Variants in HPS3 observed in about 807,000 individuals in gnomAD.
The protein encoded by HPS3 is HPS3 biogenesis of lysosomal organelles complex 2 subunit 1.
In HPS3, 79 loss-of-function variants were observed where a neutral mutation model predicts 110.9. That is an observed-to-expected ratio of 0.71 (90% CI 0.59 to 0.86). The LOEUF (loss-of-function observed/expected upper bound fraction) is 0.86. Ranked by LOEUF, HPS3 falls within the 40% of genes least tolerant of loss-of-function variation. HPS3 has a pLI of 0.00. For missense variants in HPS3, 1,197 were observed against 1,206.2 expected (o/e 0.99, Z 0.11); for synonymous variants, 428 against 451.0 (o/e 0.95, Z 0.65).
chr3:149,137,879 G>T (rs931294705), intron 1 of HPS3, among the ~76,000 whole-genome samples: 5 of 152,210 alleles, frequency 3.3e-5, no homozygotes, highest in African/African-American at 1.2e-4. Context: ...GTTAGTTATA[G>T]AGATGGATGG....
At position 149,140,185 on chromosome 3, in the gene HPS3, G is replaced by A. The variant is rs563502898; in HGVS notation, c.399G>A (p.Ser133=). The change falls in exon 2 of 17, where the codon TCG becomes TCA. Residue 133 remains serine, a synonymous_variant. Coordinates refer to ENST00000296051, the MANE Select transcript of HPS3 (RefSeq NM_032383.5). ...DQMYIIEMPL[S]EAPLCISCCP... is the part of the protein sequence containing the mutation. ...TGTACATTATTGAAATGCCGCTTTC[G>A]GAGGCCCCCTTGTGCATTTCCTGTT... 19 of 1,614,104 alleles carry A rather than the reference G, an allele frequency of 1.2e-5. No homozygotes were observed. The highest frequency in any genetic ancestry group is 8.0e-5 in the African/African-American group (6 of 75,026).
intron 1 of HPS3, among the ~76,000 whole-genome samples, chr3:149,138,459 A>T (rs1722253233): frequency 6.6e-6 from 1 of 152,248 alleles, no homozygotes; most frequent in Non-Finnish European, 1.5e-5. Flanking sequence ...AAGATTAAAA[A>T]TGTATATTTT....
chr3:149,141,531 GTTTTTTT>G, intron 4 of HPS3, 151 bp downstream of exon 4: 1 of 380,800 alleles, frequency 2.6e-6, no homozygotes, highest in Admixed American at 4.7e-5. Flanking sequence ...TTTTTTTTTT[GTTTTTTT>G]TTTTTTTTTT....
intron 5 of HPS3, among the ~76,000 whole-genome samples, chr3:149,149,868 T>C (rs912379176): frequency 1.3e-5 from 2 of 152,164 alleles, no homozygotes; most frequent in African/African-American, 4.8e-5. Context: ...AGGCATCTAT[T>C]GTGCACTTAC....
At chr3:149,135,958 T>G (rs1190821118) in intron 1 of HPS3, among the ~76,000 whole-genome samples, 1 of 152,152 alleles carries the variant, frequency 6.6e-6, no homozygotes, top group African/African-American at 2.4e-5. Context: ...GTGATTCAAT[T>G]TTGTCATAGG....
intron 16 of HPS3, 172 bp downstream of exon 16, chr3:149,168,155 A>G (rs1045083326): frequency 1.7e-6 from 1 of 603,104 alleles, no homozygotes; most frequent in Non-Finnish European, 3.0e-6. Context: ...TTTGATATTG[A>G]TTTATCTCCT....
Position 149,145,353 on chromosome 3 carries a change from G to A in HPS3, c.971-1G>A. ...TTTATTTCTTTCATTTTTGCATGCA[G>A]GTTCTCTTACATCTGATGGAAAAAA... On this transcript the variant is annotated splice_acceptor_variant, in intron 4 of 16. Transcript: ENST00000296051. LOFTEE classifies it high-confidence loss of function. 6.2e-7 allele frequency: 1 copy of A among 1,609,850 alleles called. No individual in the cohort carries two copies. Among genetic ancestry groups the A allele is most frequent in the Non-Finnish European group, 8.5e-7 (1 of 1,176,554 alleles).
intron 10 of HPS3, among the ~76,000 whole-genome samples, chr3:149,159,820 A>G (rs1456106132): frequency 6.6e-6 from 1 of 152,144 alleles, no homozygotes; most frequent in African/African-American, 2.4e-5. Context: ...ACATATTTTC[A>G]TTGCTTTTTC....
intron 16 of HPS3, chr3:149,168,415 AC>A: frequency 5.1e-6 from 1 of 197,562 alleles, no homozygotes; most frequent in South Asian, 8.9e-5. Flanking sequence ...TCTAAATTGT[AC>A]CGTATTTTAC....
intron 5 of HPS3, among the ~76,000 whole-genome samples, chr3:149,149,269 C>T (rs1188579791): frequency 6.6e-6 from 1 of 152,056 alleles, no homozygotes; most frequent in Non-Finnish European, 1.5e-5. Flanking sequence ...GGCCGAAACC[C>T]TGCCTTTTTA....
At position 149,162,725 on chromosome 3, in the gene HPS3, G is replaced by A. The variant is rs756393105; in HGVS notation, c.2328G>A (p.Gln776=). ...LCAKDEDTIP[Q]LLVDFWEAQL... ...CTAAGGATGAAGATACAATTCCTCA[G>A]CTCTTGGTAGACTTTTGGGAAGCTC... The change falls in exon 13 of 17, where the codon CAG becomes CAA. Residue 776 remains glutamine, a synonymous_variant. Transcript: ENST00000296051. 1 of 1,614,002 alleles carries A rather than the reference G, an allele frequency of 6.2e-7. No homozygotes were observed. The highest frequency in any genetic ancestry group is 1.1e-5 in the South Asian group (1 of 91,080).
intron 1 of HPS3, among the ~76,000 whole-genome samples, chr3:149,136,201 T>C (rs1482320198): frequency 3.1e-5 from 3 of 98,218 alleles, no homozygotes; most frequent in Admixed American, 2.8e-4. Context: ...AATATATGTA[T>C]ATACATATAT....
chr3:149,148,824 T>C (rs1329950579), intron 5 of HPS3, among the ~76,000 whole-genome samples: 1 of 152,190 alleles, frequency 6.6e-6, no homozygotes, highest in Non-Finnish European at 1.5e-5. Flanking sequence ...GCAGCATATC[T>C]TGGACATCTT....
In HPS3 at chr3:149,173,403, A is replaced by C. The variant is rs1239005693; in HGVS notation, c.*1181A>C. The C allele has an allele frequency of 4.6e-6, 1 of 215,292 alleles. No individual in the cohort carries two copies. Among genetic ancestry groups the C allele is most frequent in the African/African-American group, 2.3e-5 (1 of 43,228 alleles). The allele number at this position is 215,292 out of a possible 1,614,324, so 13.3% of individuals were successfully genotyped here. A position where few individuals can be genotyped will look rare whatever the true frequency, so the allele number is the denominator to read the frequency against. ...GTTCCTTTGAGGAGCACCCAGGAGA[A>C]TATCTGGTCATAGATCTTTTTTTAA... On this transcript the variant is annotated 3_prime_UTR_variant, in exon 17 of 17. Coordinates refer to ENST00000296051, the MANE Select transcript of HPS3 (RefSeq NM_032383.5).
chr3:149,151,986 T>A (rs2108150094), intron 6 of HPS3, among the ~76,000 whole-genome samples: 1 of 152,290 alleles, frequency 6.6e-6, no homozygotes, highest in East Asian at 1.9e-4. Context: ...CATATGATAG[T>A]GTTTTATGGC....
chr3:149,170,365 GA>G (rs1262699195), intron 16 of HPS3: 3 of 152,276 alleles, frequency 2.0e-5, no homozygotes, highest in Admixed American at 1.3e-4. Flanking sequence ...GCTTTGATAG[GA>G]AAACATCAAT....
chr3:149,157,499 A>T lies in HPS3; in HGVS notation c.1659A>T (p.Glu553Asp). 6.2e-7 allele frequency: 1 copy of T among 1,613,832 alleles called. No individual in the cohort carries two copies. The highest frequency in any genetic ancestry group is 8.5e-7 in the Non-Finnish European group (1 of 1,179,806). Residue 553 changes from glutamate (E) to aspartate (D), a missense_variant, in exon 9 of 17, where the codon GAA becomes GAT. By Grantham distance (45) the Glu-to-Asp change is conservative. Coordinates refer to ENST00000296051, the MANE Select transcript of HPS3 (RefSeq NM_032383.5). The stretch of plus-strand genomic sequence containing the variant: ...CAGAGCTTTTGGAAGCATTTAAGGA[A>T]AGCTGTGGGCACCTTGGGGACTGTT... ...EKAELLEAFK[E>D]SCGHLGDCYS...
At position 149,150,632 on chromosome 3, in the gene HPS3, T is replaced by C; in HGVS notation, c.1197T>C (p.Ser399=). 1.2e-6 allele frequency: 2 copies of C among 1,614,096 alleles called. No homozygotes were observed. The highest frequency in any genetic ancestry group is 1.7e-6 in the Non-Finnish European group (2 of 1,179,974). Residue 399 remains serine (S), a synonymous_variant, in exon 6 of 17, where the codon AGT becomes AGC. Coordinates refer to ENST00000296051, the MANE Select transcript of HPS3 (RefSeq NM_032383.5). ...NNLQCFTVRC[S]AAAAREEDPY... is the part of the protein sequence containing the mutation. ...TGCAGTGTTTCACTGTGCGGTGCAG[T>C]GCGGCGGCAGCTCGTGAGGAGGACC... is the stretch of plus-strand genomic sequence containing the variant.
chr3:149,140,277 A>G lies in HPS3; in HGVS notation c.491A>G (p.Gln164Arg), dbSNP rs772649825. The stretch of plus-strand genomic sequence containing the variant: ...TTAGTCTTATTTAGTTTGAAGTACC[A>G]GATCATTAATGAGGAATTCTCACTA... ...NKLVLFSLKY[Q>R]IINEEFSLLD... Residue 164 changes from glutamine to arginine, a missense_variant, in exon 2 of 17, where the codon CAG (glutamine) becomes CGG (arginine). Transcript: ENST00000296051. The G allele has an allele frequency of 6.2e-7, 1 of 1,614,110 alleles. No individual in the cohort carries two copies. Among genetic ancestry groups the G allele is most frequent in the Non-Finnish European group, 8.5e-7 (1 of 1,179,912 alleles).
Sources: gnomAD v4.1 joint callset for allele counts (sites outside exome capture counted in the v4.1 genomes callset) on GRCh38, gnomAD v4.1.1 for gene constraint, MANE v1.5 for transcripts, NCBI Gene and HGNC (gene_info 2026-07-23, HGNC 2026-07-21) for gene names.